The following NOS1 variants were observed in gnomAD, a reference collection of about 807,000 sequenced individuals.
NOS1 encodes NOS type I.
In NOS1, 51 loss-of-function variants were observed where a neutral mutation model predicts 164.5. The ratio of observed to expected loss-of-function variants is 0.31; its 90% confidence interval spans 0.25 to 0.39. The LOEUF is 0.39. NOS1 is among the 10% of genes least tolerant of loss of function. The probability of loss-of-function intolerance (pLI) is 1.00; values close to 1 mark genes in which losing one functional copy is unlikely to be tolerated. For synonymous variants in NOS1, 719 were observed against 745.8 expected (o/e 0.96, Z 0.59); for missense variants, 1,362 against 1,885.6 (o/e 0.72, Z 5.14).
At chr12:117,248,003 C>T (rs1456118434) in intron 17 of NOS1, among the ~76,000 whole-genome samples, 1 of 151,120 alleles carries the variant, frequency 6.6e-6, no homozygotes, top group Non-Finnish European at 1.5e-5. Flanking sequence ...TGCTCTCTCT[C>T]TCTCCTCTCT....
At chr12:117,270,852 AT>A (rs1288888088) in intron 10 of NOS1, among the ~76,000 whole-genome samples, 1 of 152,106 alleles carries the variant, frequency 6.6e-6, no homozygotes, top group Non-Finnish European at 1.5e-5. Context: ...CCTGGCCAAC[AT>A]GGTGAAACCT....
At chr12:117,337,913 T>C (rs1312535770) in intron 1 of NOS1, among the ~76,000 whole-genome samples, 1 of 151,908 alleles carries the variant, frequency 6.6e-6, no homozygotes, top group African/African-American at 2.4e-5. Context: ...ATCCCATTTC[T>C]ACAAAAAACA....
chr12:117,296,565 C>T (rs1001050808), intron 3 of NOS1, among the ~76,000 whole-genome samples: 26 of 152,182 alleles, frequency 1.7e-4, no homozygotes, highest in Admixed American at 6.5e-5. Flanking sequence ...AGCTTTGGGA[C>T]TCGGGCTGGC....
At chr12:117,336,025 T>C (rs1875802980) in intron 1 of NOS1, among the ~76,000 whole-genome samples, 1 of 151,236 alleles carries the variant, frequency 6.6e-6, no homozygotes, top group Admixed American at 6.6e-5. Context: ...GCCATTTTTA[T>C]CTGCACCTTA....
chr12:117,285,057 A>AT (rs1555255591), intron 7 of NOS1, among the ~76,000 whole-genome samples, 184 bp downstream of exon 7: 5 of 151,168 alleles, frequency 3.3e-5, no homozygotes, highest in East Asian at 1.9e-4. Context: ...CTCAAAAAAA[A>AT]AAATAAATAA....
chr12:117,304,365 G>A (rs1215370580), intron 3 of NOS1, among the ~76,000 whole-genome samples: 2 of 152,144 alleles, frequency 1.3e-5, no homozygotes, highest in Non-Finnish European at 2.9e-5. Context: ...ACCCAGACCA[G>A]GTGTCACTTC....
In NOS1 at chr12:117,277,947, A is replaced by C; in HGVS notation, c.1664+12T>G. ...CACTCACCCTCTCCCACCCCTTGCC[A>C]GTCCCTCTTACTTGGGGTGCCTGAT... On this transcript the variant is annotated intron_variant, in intron 9 of 28. Coordinates refer to ENST00000317775, the MANE Select transcript of NOS1 (RefSeq NM_000620.5). 1 of 1,607,006 alleles carries C rather than the reference A, an allele frequency of 6.2e-7. No individual in the cohort carries two copies. The highest frequency in any genetic ancestry group is 8.5e-7 in the Non-Finnish European group (1 of 1,174,786).
In NOS1 at chr12:117,211,264, A is replaced by G; in HGVS notation, c.*4045T>C. 1 of 985,314 alleles carries G rather than the reference A, an allele frequency of 1.0e-6. No individual in the cohort carries two copies. The highest frequency in any genetic ancestry group is 1.2e-6 in the Non-Finnish European group (1 of 829,966). The allele number at this position is 985,314 out of a possible 1,614,324, so 61.0% of individuals were successfully genotyped here. A position where few individuals can be genotyped will look rare whatever the true frequency, so the allele number is the denominator to read the frequency against. On this transcript the variant is annotated 3_prime_UTR_variant, in exon 29 of 29. Transcript: ENST00000317775. ...TGAGCTACCGCGCCCAGCCTGCAAG[A>G]TGCTTTAATTTCTCCTTTATTCTCA...
chr12:117,342,736 T>C (rs532766422), intron 1 of NOS1, among the ~76,000 whole-genome samples: 5 of 152,232 alleles, frequency 3.3e-5, no homozygotes, highest in African/African-American at 1.2e-4. Flanking sequence ...AAGATTACTC[T>C]GGCTGCTGCT....
Position 117,210,091 on chromosome 12 carries a change from G to T in NOS1, c.*5218C>A. On this transcript the variant is annotated 3_prime_UTR_variant, in exon 29 of 29. Coordinates refer to ENST00000317775, the MANE Select transcript of NOS1 (RefSeq NM_000620.5). ...GGGACCAAGTGATCCTCCTGCCTCA[G>T]CCTCCCAAGTAGCTGGGACCACAGG... 1 of 679,564 alleles carries T rather than the reference G, an allele frequency of 1.5e-6. No homozygotes were observed. The highest frequency in any genetic ancestry group is 1.8e-6 in the Non-Finnish European group (1 of 550,990). The allele number at this position is 679,564 out of a possible 1,614,324, so 42.1% of individuals were successfully genotyped here.
At chr12:117,252,162 A>G (rs1871150837) in intron 17 of NOS1, among the ~76,000 whole-genome samples, 1 of 152,262 alleles carries the variant, frequency 6.6e-6, no homozygotes, top group Admixed American at 6.5e-5. Flanking sequence ...AACATTCTCA[A>G]TTGATAAAAT....
intron 20 of NOS1, among the ~76,000 whole-genome samples, chr12:117,242,364 T>C (rs1039302412): frequency 6.6e-6 from 1 of 152,198 alleles, no homozygotes; most frequent in Non-Finnish European, 1.5e-5. Flanking sequence ...AGGGGTGTGG[T>C]CTACTGTTAA....
At chr12:117,248,599 T>A (rs9658457) in intron 17 of NOS1, among the ~76,000 whole-genome samples, 1 of 151,876 alleles carries the variant, frequency 6.6e-6, no homozygotes, top group Admixed American at 6.6e-5. Context: ...TCTATCATTG[T>A]TGGACATTTG....
chr12:117,265,765 ACCC>A (rs1392945346), intron 11 of NOS1, among the ~76,000 whole-genome samples: 15 of 145,492 alleles, frequency 1.0e-4, no homozygotes, highest in Admixed American at 8.2e-4. Context: ...CTCCCATCCC[ACCC>A]CCATCTTTTT....
At chr12:117,269,187 G>C (rs1872631724) in intron 10 of NOS1, among the ~76,000 whole-genome samples, 1 of 152,144 alleles carries the variant, frequency 6.6e-6, no homozygotes, top group African/African-American at 2.4e-5. Flanking sequence ...CATGCAAGGT[G>C]AGCCCTAAGT....
chr12:117,323,204 T>C (rs1444399116), intron 2 of NOS1, among the ~76,000 whole-genome samples: 2 of 152,146 alleles, frequency 1.3e-5, no homozygotes, highest in Non-Finnish European at 2.9e-5. Context: ...CTTCCATAAA[T>C]GGGGGAGTCC....
intron 3 of NOS1, among the ~76,000 whole-genome samples, chr12:117,307,166 C>T (rs760696217): frequency 5.3e-5 from 8 of 152,156 alleles, no homozygotes; most frequent in Non-Finnish European, 1.2e-4. Flanking sequence ...AAGGCCTCCC[C>T]TGCTTCTTCC....
intron 25 of NOS1, among the ~76,000 whole-genome samples, chr12:117,224,593 C>T (rs558073358): frequency 4.4e-4 from 67 of 152,320 alleles, no homozygotes; most frequent in African/African-American, 1.3e-3. Flanking sequence ...CCAATAAATC[C>T]TTGTTTAACG....
chr12:117,285,305 C>A lies in NOS1; in HGVS notation c.1318G>T (p.Ala440Ser), dbSNP rs1405906005. 6.2e-7 allele frequency: 1 copy of A among 1,610,164 alleles called. No individual in the cohort carries two copies. The highest frequency in any genetic ancestry group is 8.5e-7 in the Non-Finnish European group (1 of 1,177,698). ...CAGATGTAGTTGAACATCCCGTGGG[C>A]CGTGGTGCAGTCACGGGCATCGAAT... ...QVFDARDCTTAHGMFNYICNH... is the reference protein window; with the variant it reads ...QVFDARDCTTSHGMFNYICNH... The change falls in exon 7 of 29, where the codon GCC becomes TCC. Residue 440 changes from alanine to serine, a missense_variant. This residue lies in a region of NOS1 where 129 missense variants were observed against 186.0 expected (regional missense o/e 0.69). Transcript: ENST00000317775.
Sources: allele counts gnomAD v4.1 joint callset (sites outside exome capture counted in the v4.1 genomes callset), GRCh38; gene constraint gnomAD v4.1.1; regional missense constraint gnomAD v4.1.1; transcripts MANE v1.5; gene names NCBI Gene and HGNC (gene_info 2026-07-23, HGNC 2026-07-21).